ADAMTS19: variants seen among roughly 807,000 people sequenced by gnomAD.
The protein encoded by ADAMTS19 is ADAM metallopeptidase with thrombospondin type 1 motif 19, also known as A disintegrin and metalloproteinase with thrombospondin motifs 19.
Under a neutral mutation model 153.3 loss-of-function variants are expected in ADAMTS19, and 93 were observed. That is an observed-to-expected ratio of 0.61 (90% confidence interval 0.51 to 0.72). The LOEUF (loss-of-function observed/expected upper bound fraction) is 0.72, where lower values mean the gene tolerates loss of function less well. Among genes scored for constraint, ADAMTS19 ranks in the 30% least tolerant of loss-of-function variants. The pLI, the probability that ADAMTS19 is intolerant of heterozygous loss-of-function variation, is 0.00. For missense variants in ADAMTS19, 1,482 were observed against 1,552.1 expected, an observed-to-expected ratio of 0.95 and a Z score of 0.76; for synonymous variants, 600 against 556.6, an observed-to-expected ratio of 1.08 and a Z score of -1.10.
At position 129,684,676 on chromosome 5, in the gene ADAMTS19, C is replaced by T. The variant is rs114096519; in HGVS notation, c.2818+403C>T. Among the ~76,000 whole-genome samples the T allele has an allele frequency of 6.7e-3, 1,019 of 152,288 alleles. 13 individuals are homozygous for T. The highest frequency in any genetic ancestry group is 0.022 in the African/African-American group (929 of 41,546). ...AAAGTACACCTGCCCACAAGAATTA[C>T]AGACCTGAATTGAATATAAGAATTA... On this transcript the variant is annotated intron_variant, in intron 18 of 22. Coordinates refer to ENST00000274487, the MANE Select transcript of ADAMTS19 (RefSeq NM_133638.6).
intron 11 of ADAMTS19, among the ~76,000 whole-genome samples, chr5:129,642,775 G>A (rs1344676033): frequency 6.6e-6 from 1 of 152,134 alleles, no homozygotes; most frequent in African/African-American, 2.4e-5. Context: ...TGAAATACTT[G>A]AAGAAAACAT....
At chr5:129,705,279 G>A (rs1448666683) in intron 21 of ADAMTS19, among the ~76,000 whole-genome samples, 1 of 152,134 alleles carries the variant, frequency 6.6e-6, no homozygotes, top group African/African-American at 2.4e-5. Flanking sequence ...AGTGATGGCT[G>A]CTGGGGTATG....
chr5:129,702,937 A>ATATATATATATAT (rs1561658636), intron 20 of ADAMTS19, among the ~76,000 whole-genome samples: 1 of 13,880 alleles, frequency 7.2e-5, no homozygotes, highest in African/African-American at 1.8e-4. Flanking sequence ...GCCAAAAAAA[A>ATATATATATATAT]AAAAATATAT....
At chr5:129,667,053 T>A (rs1237127229) in intron 16 of ADAMTS19, among the ~76,000 whole-genome samples, 3 of 152,196 alleles carry the variant, frequency 2.0e-5, no homozygotes, top group African/African-American at 7.2e-5. Flanking sequence ...CAGTCCTGTT[T>A]CCTGTCTCCC....
At chr5:129,471,045 G>A (rs182376390) in intron 2 of ADAMTS19, among the ~76,000 whole-genome samples, 2 of 133,508 alleles carry the variant, frequency 1.5e-5, no homozygotes, top group South Asian at 2.7e-4. Context: ...TTCAAGTGTG[G>A]TGTGTAGATA....
intron 11 of ADAMTS19, 59 bp downstream of exon 11, chr5:129,642,019 G>C: frequency 2.8e-6 from 3 of 1,060,012 alleles, no homozygotes; most frequent in Non-Finnish European, 2.8e-6. Flanking sequence ...TGAGAATCTT[G>C]CATTTTCTCT....
chr5:129,732,814 T>C (rs559670145), intron 21 of ADAMTS19, among the ~76,000 whole-genome samples: 2 of 151,962 alleles, frequency 1.3e-5, no homozygotes, highest in South Asian at 2.1e-4. Flanking sequence ...GGAAAAAAAA[T>C]CCTGAAATTC....
At chr5:129,687,338 A>C (rs1054654783) in intron 18 of ADAMTS19, among the ~76,000 whole-genome samples, 15 of 152,120 alleles carry the variant, frequency 9.9e-5, no homozygotes, top group African/African-American at 2.9e-4. Flanking sequence ...AGACAGGAAA[A>C]TGTTTGCCCA....
At chr5:129,592,527 AAC>A (rs1344485584) in intron 7 of ADAMTS19, among the ~76,000 whole-genome samples, 3 of 152,182 alleles carry the variant, frequency 2.0e-5, no homozygotes, top group Non-Finnish European at 2.9e-5. Flanking sequence ...TAGGCTTTTA[AAC>A]AGAATAATTC....
Position 129,737,210 on chromosome 5 carries a change from A to G in ADAMTS19, c.3634A>G (p.Lys1212Glu), listed in dbSNP as rs1433835134. Reference sequence around the variant, plus strand: ...CTTCTATGCCCAAAAGCTGCAGCAGAAGAGTTGACCTCTAGCAGGCTGGCT... The same window carrying G: ...CTTCTATGCCCAAAAGCTGCAGCAGGAGAGTTGACCTCTAGCAGGCTGGCT... Reference protein sequence around the residue: ...RDFYAQKLQQKS With the variant: ...RDFYAQKLQQES The change falls in exon 23 of 23, where the codon AAG becomes GAG. Residue 1212 changes from lysine to glutamate, a missense_variant. Physicochemically the swap from Lys to Glu is moderately conservative, Grantham distance 56 (BLOSUM62 1). This residue lies in a region of ADAMTS19 where 616 missense variants were observed against 724.4 expected (regional missense o/e 0.85). Transcript: ENST00000274487. 2 of 1,600,084 alleles carry G rather than the reference A, an allele frequency of 1.2e-6. No individual in the cohort carries two copies. Among genetic ancestry groups the G allele is most frequent in the Non-Finnish European group, 1.7e-6 (2 of 1,170,848 alleles).
intron 8 of ADAMTS19, among the ~76,000 whole-genome samples, chr5:129,598,732 T>A (rs1750502972): frequency 6.6e-6 from 1 of 152,226 alleles, no homozygotes; most frequent in African/African-American, 2.4e-5. Context: ...AATTTTCAAG[T>A]AATTGATTTT....
At chr5:129,580,542 C>T (rs2126884532) in intron 7 of ADAMTS19, among the ~76,000 whole-genome samples, 1 of 152,218 alleles carries the variant, frequency 6.6e-6, no homozygotes, top group Non-Finnish European at 1.5e-5. Context: ...CAGTTTTTGC[C>T]CATTCACTAT....
intron 16 of ADAMTS19, among the ~76,000 whole-genome samples, chr5:129,677,145 A>G (rs1010198938): frequency 2.6e-5 from 4 of 152,212 alleles, no homozygotes; most frequent in Non-Finnish European, 1.5e-5. Context: ...TTAAAAAATT[A>G]TAAAGTTCAA....
intron 10 of ADAMTS19, among the ~76,000 whole-genome samples, chr5:129,636,303 G>A (rs1242583703): frequency 6.6e-6 from 1 of 152,216 alleles, no homozygotes; most frequent in African/African-American, 2.4e-5. Context: ...ATACCTACAA[G>A]AGGGTTGGTT....
At chr5:129,577,391 T>C (rs1245770117) in intron 7 of ADAMTS19, among the ~76,000 whole-genome samples, 2 of 152,046 alleles carry the variant, frequency 1.3e-5, no homozygotes, top group Admixed American at 6.6e-5. Flanking sequence ...AATATACATA[T>C]TAAATAATTA....
intron 6 of ADAMTS19, among the ~76,000 whole-genome samples, chr5:129,534,638 C>A (rs1196385276): frequency 6.6e-6 from 1 of 152,230 alleles, no homozygotes; most frequent in Non-Finnish European, 1.5e-5. Flanking sequence ...AATTTTAGAC[C>A]AATATCCTTG....
intron 6 of ADAMTS19, among the ~76,000 whole-genome samples, chr5:129,544,878 G>C (rs996184558): frequency 4.6e-5 from 7 of 152,056 alleles, no homozygotes; most frequent in Admixed American, 6.6e-5. Flanking sequence ...CCCAGGTTAG[G>C]ACAAAAATGC....
chr5:129,537,998 G>T (rs1752514797), intron 6 of ADAMTS19, among the ~76,000 whole-genome samples: 1 of 152,040 alleles, frequency 6.6e-6, no homozygotes, highest in Non-Finnish European at 1.5e-5. Context: ...GGGATGGAAA[G>T]ATTTGCATGG....
At position 129,528,635 on chromosome 5, in the gene ADAMTS19, G is replaced by A. The variant is rs749858191; in HGVS notation, c.1286G>A (p.Gly429Glu). ...CATTTAGAGATGTCAACAAACTGGG[G>A]GGAAGACATGACTTCAGTGGATGCA... The part of the protein sequence containing the change: ...DIHLEMSTNW[G>E]EDMTSVDAAI... The change falls in exon 6 of 23, where the codon GGG becomes GAG. Residue 429 changes from glycine (G) to glutamate (E), a missense_variant. By Grantham distance (98) the Gly-to-Glu change is moderately conservative. Transcript: ENST00000274487. 1.2e-6 allele frequency: 2 copies of A among 1,602,108 alleles called. No homozygotes were observed. Among genetic ancestry groups the A allele is most frequent in the South Asian group, 1.1e-5 (1 of 88,882 alleles).
Sources: allele counts gnomAD v4.1 joint callset (sites outside exome capture counted in the v4.1 genomes callset), GRCh38; gene constraint gnomAD v4.1.1; regional missense constraint gnomAD v4.1.1; transcripts MANE v1.5; gene names NCBI Gene and HGNC (gene_info 2026-07-23, HGNC 2026-07-21).